The following PDXDC1 variants were observed in gnomAD, a reference collection of about 807,000 sequenced individuals.
The protein encoded by PDXDC1 is pyridoxal-dependent decarboxylase domain-containing protein 1.
Under a neutral mutation model 100.1 loss-of-function variants are expected in PDXDC1, and 42 were observed. The ratio of observed to expected loss-of-function variants is 0.42; its 90% CI spans 0.33 to 0.54. The LOEUF is 0.54. Among genes scored for constraint, PDXDC1 ranks in the 20% least tolerant of loss-of-function variants. PDXDC1 has a pLI of 0.10. For missense variants in PDXDC1, 636 were observed against 979.2 expected (o/e 0.65, Z 4.68); for synonymous variants, 260 against 371.7 (o/e 0.70, Z 3.46).
intron 16 of PDXDC1, among the ~76,000 whole-genome samples, chr16:15,093,355 A>G (rs181894951): frequency 3.1e-3 from 473 of 152,274 alleles, no homozygotes; most frequent in Non-Finnish European, 5.6e-3. Flanking sequence ...TGTCTTCCCA[A>G]TGAGAAATCT....
At chr16:15,032,669 A>AAAAAAAAAAAAAAAGT (rs2151642444) in intron 17 of PDXDC1, 192 bp from the exon 18 acceptor site, 5 of 448,482 alleles carry the variant, frequency 1.1e-5, no homozygotes, top group Non-Finnish European at 1.6e-5. Context: ...AAAAAAAAAA[A>AAAAAAAAAAAAAAAGT]GGCTTTCCTG....
chr16:15,071,402 G>A, intron 16 of PDXDC1: 4 of 766,920 alleles, frequency 5.2e-6, no homozygotes, highest in Non-Finnish European at 6.2e-6. Context: ...CACATTGAGA[G>A]AATATCATTA....
At chr16:15,043,861 T>C (rs1427264860) in intron 16 of PDXDC1, among the ~76,000 whole-genome samples, 1 of 152,004 alleles carries the variant, frequency 6.6e-6, no homozygotes, top group Non-Finnish European at 1.5e-5. Flanking sequence ...GGCAAGAGAA[T>C]TGCTTGAACC....
chr16:15,081,348 C>T (rs1482139897), intron 16 of PDXDC1, among the ~76,000 whole-genome samples: 1 of 152,202 alleles, frequency 6.6e-6, no homozygotes, highest in Non-Finnish European at 1.5e-5. Context: ...TATGACAGTT[C>T]CAACTTCCCA....
At chr16:15,060,065 G>C (rs1280178110) in intron 16 of PDXDC1, 1 of 267,232 alleles carries the variant, frequency 3.7e-6, no homozygotes, top group African/African-American at 2.3e-5. Context: ...GTATAAGAAC[G>C]TAAGTTCCAG....
intron 16 of PDXDC1, among the ~76,000 whole-genome samples, chr16:15,111,413 G>A (rs578151019): frequency 7.3e-6 from 1 of 136,708 alleles, no homozygotes; most frequent in East Asian, 2.1e-4. Context: ...CTGAGATTGT[G>A]CCATTGCACT....
chr16:15,047,636 G>A (rs1299780226), intron 16 of PDXDC1: 22 of 1,062,442 alleles, frequency 2.1e-5, no homozygotes, highest in South Asian at 1.4e-4. Flanking sequence ...CCTCCGGACC[G>A]CCTCATCTTT....
At chr16:15,095,863 TG>T (rs2046339020) in intron 16 of PDXDC1, among the ~76,000 whole-genome samples, 2 of 105,492 alleles carry the variant, frequency 1.9e-5, no homozygotes, top group African/African-American at 8.7e-5. Flanking sequence ...AAAAAAAAGG[TG>T]TGTGTGTGTG....
At chr16:15,058,129 G>A (rs774723574) in intron 16 of PDXDC1, among the ~76,000 whole-genome samples, 34 of 151,960 alleles carry the variant, frequency 2.2e-4, no homozygotes, top group Non-Finnish European at 1.0e-4. Context: ...GGACAACACA[G>A]GGATCCCTGC....
chr16:15,006,517 CAAG>C lies in PDXDC1; in HGVS notation c.517_519del (p.Lys173del), dbSNP rs1974273873. The C allele has an allele frequency of 6.2e-7, 1 of 1,607,624 alleles. No individual in the cohort carries two copies. Among genetic ancestry groups the C allele is most frequent in the Non-Finnish European group, 8.5e-7 (1 of 1,175,108 alleles). On this transcript the variant is annotated inframe_deletion, in exon 6 of 23. Transcript: ENST00000396410. ...TGGATGGCTTCAATGTGTTATATAACAAGAAGCCTGTCATATATCTTAGTGCTG... is the reference window on the plus strand; with the variant it reads ...TGGATGGCTTCAATGTGTTATATAACAAGCCTGTCATATATCTTAGTGCTG...
At chr16:15,144,567 G>A in the PDXDC1 span, among the ~76,000 whole-genome samples, 26 of 152,256 alleles carry the variant, frequency 1.7e-4, no homozygotes, top group Non-Finnish European at 3.1e-4. Context: ...AGGTTCTCTG[G>A]GTCCCGGACA....
chr16:15,041,125 C>T (rs377662277), downstream of PDXDC1: 35 of 1,522,106 alleles, frequency 2.3e-5, no homozygotes, highest in African/African-American at 4.5e-4. Context: ...TTTAATTCTA[C>T]AAAATAAGAA....
chr16:15,079,337 T>A (rs988105450), intron 16 of PDXDC1, among the ~76,000 whole-genome samples: 10 of 152,198 alleles, frequency 6.6e-5, no homozygotes, highest in African/African-American at 2.4e-4. Flanking sequence ...TTTATAATTA[T>A]AATCTGCCCT....
intron 8 of PDXDC1, among the ~76,000 whole-genome samples, chr16:15,015,083 G>A (rs1403663516): frequency 2.0e-5 from 3 of 152,248 alleles, no homozygotes; most frequent in East Asian, 1.9e-4. Context: ...GACTATAGGC[G>A]CCCACCACTA....
chr16:15,082,580 GGA>G (rs765005807), intron 16 of PDXDC1, among the ~76,000 whole-genome samples: 9 of 151,816 alleles, frequency 5.9e-5, no homozygotes, highest in Non-Finnish European at 1.3e-4. Flanking sequence ...GGCTGAGGTG[GGA>G]GAGTCACTTG....
At chr16:15,149,814 CCT>C in the PDXDC1 span, among the ~76,000 whole-genome samples, 3 of 151,800 alleles carry the variant, frequency 2.0e-5, no homozygotes, top group East Asian at 3.9e-4. Context: ...AGCAGGGGGC[CCT>C]GAGCTGATGA....
chr16:15,065,715 C>A (rs931911155), intron 16 of PDXDC1, among the ~76,000 whole-genome samples: 1 of 152,030 alleles, frequency 6.6e-6, no homozygotes, highest in Admixed American at 6.5e-5. Context: ...TCTTAGATTA[C>A]GTAACTATAG....
At chr16:15,032,082 G>A (rs2043100760) in intron 17 of PDXDC1, 176 bp downstream of exon 17, 1 of 612,928 alleles carries the variant, frequency 1.6e-6, no homozygotes. Context: ...CAGGCAATTT[G>A]GCCAGCGTGG....
At position 15,034,272 on chromosome 16, in the gene PDXDC1, T is replaced by C; in HGVS notation, c.1813-14T>C. 3 of 1,612,086 alleles carry C rather than the reference T, an allele frequency of 1.9e-6. No homozygotes were observed. Among genetic ancestry groups the C allele is most frequent in the Non-Finnish European group, 2.5e-6 (3 of 1,179,096 alleles). On this transcript the variant is annotated splice_polypyrimidine_tract_variant and intron_variant, in intron 19 of 22. Coordinates refer to ENST00000396410, the MANE Select transcript of PDXDC1 (RefSeq NM_015027.4). ...AACCTTAAACAAGTAATGTCTTTCT[T>C]GGTCTTGCCACAGCTTCTGGAAAAC...
Sources: allele counts gnomAD v4.1 joint callset (sites outside exome capture counted in the v4.1 genomes callset), GRCh38; gene constraint gnomAD v4.1.1; transcripts MANE v1.5; gene names NCBI Gene and HGNC (gene_info 2026-07-23, HGNC 2026-07-21).